The following NCKAP5 variants were observed in gnomAD, a reference collection of about 807,000 sequenced individuals.
The protein encoded by NCKAP5 is NCK associated protein 5.
NCKAP5 carries 92 observed loss-of-function variants against 167.0 expected under a neutral mutation model. That is an observed-to-expected ratio of 0.55 (90% CI 0.47 to 0.66). The LOEUF (loss-of-function observed/expected upper bound fraction) is 0.66, where lower values mean the gene tolerates loss of function less well. Ranked by LOEUF, NCKAP5 falls within the 30% of genes least tolerant of loss-of-function variation. The pLI is 0.00. For synonymous variants in NCKAP5, 891 were observed against 877.4 expected (o/e 1.02, Z -0.27); for missense variants, 2,378 against 2,315.0 (o/e 1.03, Z -0.56).
intron 2 of NCKAP5, among the ~76,000 whole-genome samples, chr2:133,533,738 TAC>T (rs1310906289): frequency 6.2e-4 from 94 of 152,202 alleles, no homozygotes; most frequent in Non-Finnish European, 5.9e-5. Context: ...TTTTTCTTCT[TAC>T]ATTAAAATTA....
chr2:132,975,637 C>G (rs933810554), intron 7 of NCKAP5, among the ~76,000 whole-genome samples: 6 of 152,126 alleles, frequency 3.9e-5, no homozygotes, highest in Admixed American at 2.6e-4. Context: ...TCTAAGAAAA[C>G]TAATAACAGA....
intron 3 of NCKAP5, among the ~76,000 whole-genome samples, chr2:133,476,881 A>T (rs182498877): frequency 8.9e-4 from 135 of 152,288 alleles, no homozygotes; most frequent in Non-Finnish European, 1.7e-3. Flanking sequence ...TGCTGTTATA[A>T]TTACCTCTTT....
chr2:133,462,957 T>C (rs866894352), intron 3 of NCKAP5, among the ~76,000 whole-genome samples: 1 of 152,220 alleles, frequency 6.6e-6, no homozygotes, highest in South Asian at 2.1e-4. Context: ...CTGCCACTGC[T>C]GACTTCACCG....
At position 133,004,553 on chromosome 2, in the gene NCKAP5, T is replaced by C. The variant is rs558116975; in HGVS notation, c.342-10314A>G. 6.6e-4 allele frequency among the ~76,000 whole-genome samples: 100 copies of C among 151,716 alleles called. 1 individual carries two copies. The highest frequency in any genetic ancestry group is 2.2e-3 in the African/African-American group (93 of 41,342). On this transcript the variant is annotated intron_variant, in intron 6 of 19. Coordinates refer to ENST00000409261, the MANE Select transcript of NCKAP5 (RefSeq NM_207363.3). ...AGGGGAGGGGTGTACGAATAGGGAG[T>C]GGGTCACAGAGATCACATGCTTCAT...
At chr2:132,735,824 G>A (rs1041553199) in intron 16 of NCKAP5, among the ~76,000 whole-genome samples, 6 of 152,126 alleles carry the variant, frequency 3.9e-5, no homozygotes, top group Admixed American at 6.6e-5. Flanking sequence ...CAAAGCCATC[G>A]GGTAGTTGCA....
At chr2:133,347,723 A>T (rs1200611200) in intron 3 of NCKAP5, among the ~76,000 whole-genome samples, 2 of 151,706 alleles carry the variant, frequency 1.3e-5, no homozygotes, top group Admixed American at 6.6e-5. Context: ...CTCCCCTCTG[A>T]CCTGTATGTG....
intron 6 of NCKAP5, among the ~76,000 whole-genome samples, chr2:132,997,732 G>A (rs1020757121): frequency 3.3e-5 from 5 of 151,842 alleles, no homozygotes; most frequent in Non-Finnish European, 7.4e-5. Flanking sequence ...GAACAACTTT[G>A]GTGGATGAAC....
At chr2:132,829,606 A>G (rs1339097900) in intron 11 of NCKAP5, among the ~76,000 whole-genome samples, 1 of 152,196 alleles carries the variant, frequency 6.6e-6, no homozygotes, top group Admixed American at 6.5e-5. Context: ...CTTTACAGAA[A>G]TAAATGCTTC....
At chr2:132,884,405 C>T (rs547190345) in intron 8 of NCKAP5, among the ~76,000 whole-genome samples, 22 of 152,312 alleles carry the variant, frequency 1.4e-4, no homozygotes, top group African/African-American at 5.3e-4. Flanking sequence ...GATGGAACCC[C>T]TCAGTTCCTC....
chr2:132,893,084 T>C (rs948359867), intron 8 of NCKAP5, among the ~76,000 whole-genome samples: 7 of 150,496 alleles, frequency 4.7e-5, no homozygotes, highest in Admixed American at 2.0e-4. Flanking sequence ...AAGCCACTTA[T>C]AAAGCAAGTT....
At chr2:132,922,822 C>A (rs1461176732) in intron 8 of NCKAP5, among the ~76,000 whole-genome samples, 4 of 152,184 alleles carry the variant, frequency 2.6e-5, no homozygotes, top group African/African-American at 9.7e-5. Flanking sequence ...CTCCTTCTTT[C>A]TTTTCTACTA....
At chr2:132,781,332 CTT>C in intron 14 of NCKAP5, 103 bp from the exon 15 acceptor site, 1 of 1,142,168 alleles carries the variant, frequency 8.8e-7, no homozygotes, top group Non-Finnish European at 1.2e-6. Context: ...CTTTGTAGCT[CTT>C]TGTCTTTAAA....
the NCKAP5 span, among the ~76,000 whole-genome samples, chr2:133,662,326 GGTTAT>G: frequency 6.6e-6 from 1 of 151,802 alleles, no homozygotes; most frequent in Non-Finnish European, 1.5e-5. Flanking sequence ...CAACTCTGTG[GGTTAT>G]CAAGTGTACA....
At position 133,141,385 on chromosome 2, in the gene NCKAP5, C is replaced by T. The variant is rs2082991143; in HGVS notation, c.208-11274G>A. Among the ~76,000 whole-genome samples the T allele has an allele frequency of 2.0e-5, 3 of 151,160 alleles. No homozygotes were observed. In the South Asian group the frequency reaches 6.3e-4, roughly 32 times the overall value. On this transcript the variant is annotated intron_variant, in intron 5 of 19. Transcript: ENST00000409261. ...TGTACCGTTCTTTTTGTTCGCCCTA[C>T]TAGACTGTACAGAGTAGTGGAAAGG...
intron 8 of NCKAP5, among the ~76,000 whole-genome samples, chr2:132,893,893 CAT>C (rs1235788841): frequency 2.0e-5 from 3 of 152,132 alleles, no homozygotes; most frequent in African/African-American, 7.2e-5. Flanking sequence ...CACACACACA[CAT>C]ACACACAAAT....
chr2:132,759,397 C>T (rs72844792), intron 16 of NCKAP5, among the ~76,000 whole-genome samples: 14,206 of 152,132 alleles, frequency 0.093, 747 homozygotes, highest in East Asian at 0.13. Context: ...CACAGTAATA[C>T]ATTATTTTTT....
chr2:133,275,379 G>A (rs988702058), intron 4 of NCKAP5, among the ~76,000 whole-genome samples: 8 of 150,616 alleles, frequency 5.3e-5, no homozygotes, highest in South Asian at 2.1e-4. Context: ...ATGTACTCAC[G>A]GAAAAGGCTC....
At chr2:133,629,340 C>T in the NCKAP5 span, among the ~76,000 whole-genome samples, 6,616 of 151,962 alleles carry the variant, frequency 0.044, 457 homozygotes, top group African/African-American at 0.15. Context: ...CAGACACTTC[C>T]CAAAAGAAGA....
intron 19 of NCKAP5, among the ~76,000 whole-genome samples, chr2:132,721,676 T>C (rs982276590): frequency 6.6e-6 from 1 of 152,226 alleles, no homozygotes; most frequent in African/African-American, 2.4e-5. Flanking sequence ...CATCCTTTAA[T>C]GCCCCTTCCT....
Sources: gnomAD v4.1 joint callset for allele counts (sites outside exome capture counted in the v4.1 genomes callset) on GRCh38, gnomAD v4.1.1 for gene constraint, MANE v1.5 for transcripts, NCBI Gene and HGNC (gene_info 2026-07-23, HGNC 2026-07-21) for gene names.